SLC44A5: variants seen among roughly 807,000 people sequenced by gnomAD.
SLC44A5 encodes choline transporter-like protein 5.
In SLC44A5, 57 loss-of-function variants were observed where a neutral mutation model predicts 101.8. That is an observed-to-expected ratio of 0.56 (90% CI 0.45 to 0.70). SLC44A5 has a LOEUF of 0.70. SLC44A5 is among the 30% of genes least tolerant of loss of function. SLC44A5 has a pLI of 0.00. For synonymous variants in SLC44A5, 281 were observed against 290.9 expected (o/e 0.97, Z 0.35); for missense variants, 737 against 853.1 (o/e 0.86, Z 1.70).
chr1:75,627,037 A>T, the SLC44A5 span, among the ~76,000 whole-genome samples: 1 of 151,934 alleles, frequency 6.6e-6, no homozygotes, highest in Non-Finnish European at 1.5e-5. Context: ...TTTCAATCAC[A>T]TTGTTTTTTC....
the SLC44A5 span, among the ~76,000 whole-genome samples, chr1:75,627,415 C>T: frequency 6.6e-6 from 1 of 152,114 alleles, no homozygotes; most frequent in African/African-American, 2.4e-5. Context: ...AGTGGTGGCT[C>T]TCCTGTAATT....
intron 2 of SLC44A5, among the ~76,000 whole-genome samples, chr1:75,437,660 G>A (rs2101616431): frequency 6.6e-6 from 1 of 152,162 alleles, no homozygotes; most frequent in South Asian, 2.1e-4. Context: ...AGGGCCTATG[G>A]GGCATCACAG....
intron 4 of SLC44A5, among the ~76,000 whole-genome samples, chr1:75,301,632 G>T (rs1216156738): frequency 1.3e-5 from 2 of 152,180 alleles, no homozygotes; most frequent in Admixed American, 1.3e-4. Context: ...CTTATTTTTT[G>T]AAGTGGTAAG....
At chr1:75,521,630 TG>T (rs1670129508) in intron 2 of SLC44A5, 3 of 152,506 alleles carry the variant, frequency 2.0e-5, no homozygotes, top group Admixed American at 2.0e-4. Flanking sequence ...AACTGGAATT[TG>T]CTGCCCCAAA....
intron 2 of SLC44A5, among the ~76,000 whole-genome samples, chr1:75,469,840 C>T (rs572249531): frequency 1.4e-5 from 2 of 140,406 alleles, no homozygotes; most frequent in South Asian, 2.3e-4. Flanking sequence ...TTCGAGGTTA[C>T]AGTGAGCTAT....
the SLC44A5 span, among the ~76,000 whole-genome samples, chr1:75,669,485 C>A: frequency 1.3e-5 from 2 of 152,172 alleles, no homozygotes; most frequent in Non-Finnish European, 2.9e-5. Context: ...GTGGAGGACA[C>A]AAATAAGATC....
intron 1 of SLC44A5, among the ~76,000 whole-genome samples, chr1:75,608,790 T>C (rs1675477602): frequency 1.3e-5 from 2 of 151,866 alleles, no homozygotes; most frequent in Admixed American, 1.3e-4. Flanking sequence ...TGTCCTTCAA[T>C]ATTACCTCGT....
At chr1:75,612,984 C>T (rs1675721107), upstream of SLC44A5, among the ~76,000 whole-genome samples, 1 of 152,172 alleles carries the variant, frequency 6.6e-6, no homozygotes, top group Non-Finnish European at 1.5e-5. Context: ...TGAGATGTCA[C>T]AAATGAATGC....
At chr1:75,362,557 C>A (rs1213243941) in intron 3 of SLC44A5, among the ~76,000 whole-genome samples, 1 of 151,894 alleles carries the variant, frequency 6.6e-6, no homozygotes, top group African/African-American at 2.4e-5. Flanking sequence ...TAATCAATTA[C>A]CCATTGGTTA....
At chr1:75,713,757 C>T in the SLC44A5 span, among the ~76,000 whole-genome samples, 1 of 152,290 alleles carries the variant, frequency 6.6e-6, no homozygotes, top group South Asian at 2.1e-4. Context: ...TTAAATTGTG[C>T]TATACGTCTC....
chr1:75,385,371 G>A (rs974003185), intron 3 of SLC44A5, among the ~76,000 whole-genome samples: 1 of 151,136 alleles, frequency 6.6e-6, no homozygotes, highest in Non-Finnish European at 1.5e-5. Flanking sequence ...AATGATAAAG[G>A]GGATATCGCC....
At chr1:75,344,443 T>C (rs1187375347) in intron 3 of SLC44A5, among the ~76,000 whole-genome samples, 1 of 152,172 alleles carries the variant, frequency 6.6e-6, no homozygotes, top group Non-Finnish European at 1.5e-5. Flanking sequence ...TTACCTAATA[T>C]AAGGAAAGGG....
intron 4 of SLC44A5, among the ~76,000 whole-genome samples, chr1:75,315,855 C>T (rs1200430953): frequency 6.6e-6 from 1 of 152,114 alleles, no homozygotes; most frequent in Non-Finnish European, 1.5e-5. Flanking sequence ...AAAAATTCTG[C>T]CATTCTTGAC....
At chr1:75,430,716 G>A (rs1003895426) in intron 2 of SLC44A5, among the ~76,000 whole-genome samples, 7 of 152,202 alleles carry the variant, frequency 4.6e-5, no homozygotes, top group African/African-American at 1.7e-4. Context: ...TTGGAATGGA[G>A]CTCCTTGGGT....
intron 2 of SLC44A5, among the ~76,000 whole-genome samples, chr1:75,493,588 A>T (rs2101817374): frequency 6.6e-6 from 1 of 152,328 alleles, no homozygotes; most frequent in South Asian, 2.1e-4. Flanking sequence ...CTGAAAACAC[A>T]ATGTAATAAT....
intron 2 of SLC44A5, among the ~76,000 whole-genome samples, chr1:75,529,946 C>T (rs1670628871): frequency 6.6e-6 from 1 of 152,140 alleles, no homozygotes; most frequent in African/African-American, 2.4e-5. Context: ...GGAATATTTA[C>T]ATATTGAAGT....
chr1:75,616,180 G>A, the SLC44A5 span, among the ~76,000 whole-genome samples: 2 of 151,766 alleles, frequency 1.3e-5, no homozygotes, highest in Admixed American at 6.6e-5. Context: ...GCTGGAGGGG[G>A]CAGCGCTGGG....
At chr1:75,217,495 T>G (rs1646986314) in intron 18 of SLC44A5, among the ~76,000 whole-genome samples, 1 of 152,092 alleles carries the variant, frequency 6.6e-6, no homozygotes, top group African/African-American at 2.4e-5. Flanking sequence ...ACACCCACAT[T>G]TATATTTTAA....
At position 75,284,306 on chromosome 1, in the gene SLC44A5, C is replaced by T. The variant is rs141097179; in HGVS notation, c.176-9264G>A. Among the ~76,000 whole-genome samples, 932 of 152,090 alleles carry T rather than the reference C, an allele frequency of 6.1e-3. 7 individuals are homozygous for T. The highest frequency in any genetic ancestry group is 7.3e-3 in the Non-Finnish European group (493 of 67,938). On this transcript the variant is annotated intron_variant, in intron 5 of 23. Coordinates refer to ENST00000370859, the MANE Select transcript of SLC44A5 (RefSeq NM_001130058.2). Reference sequence around the variant, plus strand: ...TTCTTGATTTGATTCTCAGTTTGGTCACTTTGTGTATAGCAGTGCTACTAA... The same window carrying T: ...TTCTTGATTTGATTCTCAGTTTGGTTACTTTGTGTATAGCAGTGCTACTAA...
Sources: gnomAD v4.1 joint callset for allele counts (sites outside exome capture counted in the v4.1 genomes callset) on GRCh38, gnomAD v4.1.1 for gene constraint, MANE v1.5 for transcripts, NCBI Gene and HGNC (gene_info 2026-07-23, HGNC 2026-07-21) for gene names.